NPAS3: variants seen among roughly 807,000 people sequenced by gnomAD.
The protein encoded by NPAS3 is neuronal PAS domain-containing protein 3.
NPAS3 carries 14 observed loss-of-function variants against 73.1 expected under a neutral mutation model. That is an observed-to-expected ratio of 0.19 (90% CI 0.13 to 0.30). The LOEUF (loss-of-function observed/expected upper bound fraction) is 0.30. Ranked by LOEUF, NPAS3 falls within the 10% of genes least tolerant of loss-of-function variation. NPAS3 has a pLI of 1.00. For missense variants in NPAS3, 1,096 were observed against 1,250.0 expected (o/e 0.88, Z 1.86); for synonymous variants, 620 against 541.5 (o/e 1.14, Z -2.01).
intron 3 of NPAS3, among the ~76,000 whole-genome samples, chr14:33,341,849 A>G (rs865969201): frequency 1.1e-4 from 17 of 152,212 alleles, no homozygotes; most frequent in Non-Finnish European, 2.1e-4. Flanking sequence ...CATTGAAAGC[A>G]CTTGTCATTA....
intron 2 of NPAS3, among the ~76,000 whole-genome samples, chr14:33,154,686 T>C (rs1175465932): frequency 6.6e-6 from 1 of 152,272 alleles, no homozygotes; most frequent in African/African-American, 2.4e-5. Context: ...CAGTCCTTTC[T>C]GTTCCCCTTA....
chr14:33,330,623 A>G (rs996189474), intron 3 of NPAS3, among the ~76,000 whole-genome samples: 7 of 152,226 alleles, frequency 4.6e-5, no homozygotes, highest in African/African-American at 1.7e-4. Flanking sequence ...AGTATAAAAT[A>G]AGACTAAAAA....
intron 2 of NPAS3, among the ~76,000 whole-genome samples, chr14:33,154,071 T>G (rs1308666423): frequency 6.6e-6 from 1 of 152,212 alleles, no homozygotes; most frequent in African/African-American, 2.4e-5. Context: ...TTTAGAGATC[T>G]CTTTATGGAA....
At chr14:33,467,485 G>A (rs902326014) in intron 4 of NPAS3, among the ~76,000 whole-genome samples, 6 of 152,160 alleles carry the variant, frequency 3.9e-5, no homozygotes, top group African/African-American at 1.4e-4. Flanking sequence ...TTTTTAACTT[G>A]AGCTATTGTA....
intron 4 of NPAS3, among the ~76,000 whole-genome samples, chr14:33,427,682 G>A (rs570576768): frequency 3.2e-4 from 49 of 152,024 alleles, no homozygotes; most frequent in African/African-American, 1.1e-3. Context: ...CAATAAAATT[G>A]TTGGAATATA....
intron 3 of NPAS3, among the ~76,000 whole-genome samples, chr14:33,326,451 GTCTT>G (rs940627213): frequency 2.0e-5 from 3 of 152,172 alleles, no homozygotes; most frequent in African/African-American, 4.8e-5. Flanking sequence ...AAGTTAGAAA[GTCTT>G]TCTAGGGCCT....
At position 33,465,928 on chromosome 14, in the gene NPAS3, T is replaced by A. The variant is rs529081592; in HGVS notation, c.469-94193T>A. Among the ~76,000 whole-genome samples, 3 of 152,232 alleles carry A rather than the reference T, an allele frequency of 2.0e-5. No homozygotes were observed. In the South Asian group the frequency reaches 6.2e-4, roughly 32 times the overall value. On this transcript the variant is annotated intron_variant, in intron 4 of 11. Transcript: ENST00000356141. Reference sequence around the variant, plus strand: ...TAATAAAATGCTAAATTGTGTAGTATCTACAATAAGCAAATTAACAGTTTT... The same window carrying A: ...TAATAAAATGCTAAATTGTGTAGTAACTACAATAAGCAAATTAACAGTTTT...
At chr14:33,437,638 G>T (rs187468328) in intron 4 of NPAS3, among the ~76,000 whole-genome samples, 1 of 152,168 alleles carries the variant, frequency 6.6e-6, no homozygotes, top group Non-Finnish European at 1.5e-5. Flanking sequence ...ATTGAGCTGG[G>T]TTGAATAATA....
rs534826739 is a variant in NPAS3, at chr14:33,579,023, C to G, written c.558+18813C>G. ...CATTAATGACAACAGCAAGTTATACCTGTTTGAGCAACTGCTATGTGCCAG... is the reference window on the plus strand; with the variant it reads ...CATTAATGACAACAGCAAGTTATACGTGTTTGAGCAACTGCTATGTGCCAG... On this transcript the variant is annotated intron_variant, in intron 5 of 11. Coordinates refer to ENST00000356141, the Ensembl canonical transcript of NPAS3. Among the ~76,000 whole-genome samples, 146 of 152,278 alleles carry G rather than the reference C, an allele frequency of 9.6e-4. 1 individual carries two copies. In the South Asian group the frequency reaches 0.013, roughly 14 times the overall value.
chr14:33,510,647 T>G (rs1040689461), intron 4 of NPAS3, among the ~76,000 whole-genome samples: 1 of 152,058 alleles, frequency 6.6e-6, no homozygotes, highest in African/African-American at 2.4e-5. Flanking sequence ...AAGTTTGCAT[T>G]TTCTGCGTGT....
intron 3 of NPAS3, among the ~76,000 whole-genome samples, chr14:33,262,591 A>G (rs921141931): frequency 7.2e-5 from 11 of 152,148 alleles, no homozygotes; most frequent in African/African-American, 2.4e-4. Flanking sequence ...TTTTTCCACA[A>G]TTATTCATGG....
intron 2 of NPAS3, among the ~76,000 whole-genome samples, chr14:33,183,030 C>T (rs925941830): frequency 6.6e-6 from 1 of 152,184 alleles, no homozygotes; most frequent in African/African-American, 2.4e-5. Context: ...CTTCCTTGGA[C>T]TCTTGTCACG....
intron 6 of NPAS3, among the ~76,000 whole-genome samples, chr14:33,727,622 A>G (rs1674664389): frequency 6.6e-6 from 1 of 151,870 alleles, no homozygotes. Context: ...AAAAAAGAGA[A>G]AAGAAAAAGA....
intron 1 of NPAS3, among the ~76,000 whole-genome samples, chr14:32,960,567 C>T (rs1343141905): frequency 1.3e-5 from 2 of 152,174 alleles, no homozygotes; most frequent in Non-Finnish European, 2.9e-5. Flanking sequence ...TGCACTATTA[C>T]AGCTTTCATT....
intron 3 of NPAS3, among the ~76,000 whole-genome samples, chr14:33,357,102 G>A (rs1026932870): frequency 1.3e-5 from 2 of 152,186 alleles, no homozygotes; most frequent in Non-Finnish European, 1.5e-5. Flanking sequence ...ACCTTGATCA[G>A]CTAACATAAG....
At chr14:33,728,987 C>T (rs1419508929) in intron 6 of NPAS3, among the ~76,000 whole-genome samples, 1 of 152,150 alleles carries the variant, frequency 6.6e-6, no homozygotes, top group African/African-American at 2.4e-5. Flanking sequence ...CTGAATGTCA[C>T]TTTATTTTGA....
At chr14:33,752,034 A>C (rs895396862) in intron 7 of NPAS3, among the ~76,000 whole-genome samples, 14 of 152,278 alleles carry the variant, frequency 9.2e-5, no homozygotes, top group African/African-American at 3.4e-4. Context: ...CCTTCTCCCC[A>C]AAAAATAAAC....
intron 4 of NPAS3, among the ~76,000 whole-genome samples, chr14:33,437,144 T>G (rs974686432): frequency 2.6e-5 from 4 of 152,278 alleles, no homozygotes; most frequent in Admixed American, 2.0e-4. Context: ...GTGATTGATA[T>G]TTGTTGTTGT....
chr14:33,783,546 T>C (rs575009594), intron 9 of NPAS3, among the ~76,000 whole-genome samples: 2 of 149,936 alleles, frequency 1.3e-5, no homozygotes, highest in East Asian at 4.0e-4. Flanking sequence ...AAGGCAGGTT[T>C]TTATGCAGGG....
Sources: gnomAD v4.1 joint callset for allele counts (sites outside exome capture counted in the v4.1 genomes callset) on GRCh38, gnomAD v4.1.1 for gene constraint, MANE v1.5 for transcripts, NCBI Gene and HGNC (gene_info 2026-07-23, HGNC 2026-07-21) for gene names.